The following ZNF212 variants were observed in gnomAD, a reference collection of about 807,000 sequenced individuals.
ZNF212 encodes the protein zinc finger protein 212, also known as Zinc finger protein C2H2-150.
In ZNF212, 32 loss-of-function variants were observed where a neutral mutation model predicts 47.3. The ratio of observed to expected loss-of-function variants is 0.68; its 90% CI spans 0.51 to 0.91. The LOEUF (loss-of-function observed/expected upper bound fraction) is 0.91. Ranked by LOEUF, ZNF212 falls within the 40% of genes least tolerant of loss-of-function variation. The pLI is 0.00. For synonymous variants in ZNF212, 242 were observed against 253.8 expected, an observed-to-expected ratio of 0.95 and a Z score of 0.44; for missense variants, 555 against 622.8, an observed-to-expected ratio of 0.89 and a Z score of 1.16.
chr7:149,239,957 C>T (rs1796563439), intron 1 of ZNF212, 155 bp downstream of exon 1: 1 of 853,740 alleles, frequency 1.2e-6, no homozygotes, highest in Non-Finnish European at 1.6e-6. Flanking sequence ...TTCGCGACCC[C>T]AGTGCTCTGC....
chr7:149,248,924 T>A (rs1796714674), intron 1 of ZNF212, among the ~76,000 whole-genome samples: 1 of 152,206 alleles, frequency 6.6e-6, no homozygotes, highest in Non-Finnish European at 1.5e-5. Flanking sequence ...CCATGTTCTC[T>A]GGACCACAAC....
At chr7:149,251,491 CTTT>C (rs71194634) in intron 3 of ZNF212, among the ~76,000 whole-genome samples, 65 of 77,430 alleles carry the variant, frequency 8.4e-4, no homozygotes, top group African/African-American at 3.1e-3. Context: ...CCTGTTTTAT[CTTT>C]TTTTTTTTTT....
Position 149,253,937 on chromosome 7 carries a change from G to T in ZNF212, c.1010G>T (p.Ser337Ile), listed in dbSNP as rs755950161. ...YKQQLATHLR[S>I]HSGWGSCTPE... ...CAGCAGCTGGCCACACATCTGCGCA[G>T]CCACTCTGGGTGGGGGTCTTGTACA... Residue 337 changes from serine (S) to isoleucine (I), a missense_variant, in exon 5 of 5, where the codon AGC (serine) becomes ATC (isoleucine). Physicochemically the swap from Ser to Ile is moderately radical, Grantham distance 142. Transcript: ENST00000335870. The T allele has an allele frequency of 5.6e-6, 9 of 1,613,986 alleles. No individual in the cohort carries two copies. The East Asian group carries it at 1.8e-4, about 32-fold the overall frequency.
In ZNF212 at chr7:149,239,689, G is replaced by GCGGCGGCGT; in HGVS notation, c.-89_-88insGGCGGCGTC. The GCGGCGGCGT allele has an allele frequency of 7.7e-7, 1 of 1,292,608 alleles. No individual in the cohort carries two copies. 80.1% of individuals were successfully genotyped at this position (1,292,608 alleles called of 1,614,324 possible). On this transcript the variant is annotated 5_prime_UTR_variant, in exon 1 of 5. Transcript: ENST00000335870. The stretch of plus-strand genomic sequence containing the variant: ...CATCAACACGGCGGCGGCGGCGGCG[G>GCGGCGGCGT]CTTCCAACAGGCTCTGGGGCGCCGA...
chr7:149,254,409 G>A lies in ZNF212; in HGVS notation c.1482G>A (p.Leu494=). The A allele has an allele frequency of 6.3e-7, 1 of 1,598,224 alleles. No individual in the cohort carries two copies. The highest frequency in any genetic ancestry group is 8.5e-7 in the Non-Finnish European group (1 of 1,177,820). ...LALEPGRPNG[L]L is the part of the protein sequence containing the mutation. ...TGGAGCCCGGAAGGCCCAATGGCCT[G>A]CTTTAAGGGTGCAGCCCCTCGCCCG... The change falls in exon 5 of 5, where the codon CTG becomes CTA. Residue 494 remains leucine (L), a synonymous_variant. Transcript: ENST00000335870. This position sits in a 1 kb window ranked among gnomAD's most constrained non-coding sequence, Gnocchi z 4.5.
Position 149,251,081 on chromosome 7 carries a change from T to G in ZNF212, c.541+274T>G, listed in dbSNP as rs547105184. ...TTTTTTTTTTTTTCCTGTGGTCACA[T>G]AGTCTGTTCTTGATAGTATTTTCTA... On this transcript the variant is annotated intron_variant, in intron 3 of 4. Transcript: ENST00000335870. 55 of 354,408 alleles carry G rather than the reference T, an allele frequency of 1.6e-4. No homozygotes were observed. In the South Asian group the frequency reaches 2.0e-3, roughly 13 times the overall value. The allele number at this position is 354,408 out of a possible 1,614,324, so 22.0% of individuals were successfully genotyped here. A position where few individuals can be genotyped will look rare whatever the true frequency, so the allele number is the denominator to read the frequency against.
rs928308604 is a variant in ZNF212 at position 149,246,915 on chromosome 7, T to G, written c.25-3244T>G. On this transcript the variant is annotated intron_variant, in intron 1 of 4. Coordinates refer to ENST00000335870, the MANE Select transcript of ZNF212 (RefSeq NM_012256.4). ...GCAACCTCCGCCTCTCAGGTTTAAG[T>G]GATTCTCCTGCCTCAGCCTCCCGAG... Among the ~76,000 whole-genome samples the G allele has an allele frequency of 4.0e-5, 6 of 149,044 alleles. No homozygotes were observed. In the Admixed American group the frequency reaches 4.1e-4, roughly 10 times the overall value.
rs1467915998 is a variant in ZNF212, at chr7:149,250,507, A to T, written c.373A>T (p.Ile125Phe). ...CCTGCTGCGCAACAGGAACTTCTGG[A>T]TCCTGCGGCTGCCCCCGGGCAGCAA... ...ENLLRNRNFW[I>F]LRLPPGSKGE... Residue 125 changes from isoleucine (I) to phenylalanine (F), a missense_variant, in exon 2 of 5, where the codon ATC (isoleucine) becomes TTC (phenylalanine). Transcript: ENST00000335870. 1.9e-6 allele frequency: 3 copies of T among 1,613,924 alleles called. No individual in the cohort carries two copies. Among genetic ancestry groups the T allele is most frequent in the Admixed American group, 3.3e-5 (2 of 60,020 alleles).
In ZNF212 at chr7:149,253,571, T is replaced by C. The variant is rs774442866; in HGVS notation, c.644T>C (p.Met215Thr). The C allele has an allele frequency of 3.1e-6, 5 of 1,600,992 alleles. No homozygotes were observed. Among genetic ancestry groups the C allele is most frequent in the South Asian group, 2.2e-5 (2 of 90,740 alleles). The change falls in exon 5 of 5, where the codon ATG (methionine) becomes ACG (threonine). Residue 215 changes from methionine (M) to threonine (T), a missense_variant. Physicochemically the swap from Met to Thr is moderately conservative, Grantham distance 81. Transcript: ENST00000335870. ...TTCCACTTTGCAGCAGGTGGGGTCATGATCAAACAGGAGCTACAGTATACA... is the reference window on the plus strand; with the variant it reads ...TTCCACTTTGCAGCAGGTGGGGTCACGATCAAACAGGAGCTACAGTATACA... ...PGGAHPAGGV[M>T]IKQELQYTQE...
Position 149,250,750 on chromosome 7 carries a change from C to A in ZNF212, c.484C>A (p.Gln162Lys). The A allele has an allele frequency of 6.2e-7, 1 of 1,614,186 alleles. No individual in the cohort carries two copies. Among genetic ancestry groups the A allele is most frequent in the Non-Finnish European group, 8.5e-7 (1 of 1,180,040 alleles). ...GGAATGGGAGAATCTGGAGGATTGG[C>A]AGAAGGAGCTCTACAGAAACGTGAT... ...EQEWENLEDW[Q>K]KELYRNVMES... Residue 162 changes from glutamine to lysine, a missense_variant, in exon 3 of 5, where the codon CAG (glutamine) becomes AAG (lysine). Coordinates refer to ENST00000335870, the MANE Select transcript of ZNF212 (RefSeq NM_012256.4).
chr7:149,251,772 G>A (rs1395784656), intron 3 of ZNF212, among the ~76,000 whole-genome samples: 1 of 151,916 alleles, frequency 6.6e-6, no homozygotes, highest in African/African-American at 2.4e-5. Context: ...TTACAGGCGT[G>A]AGCCTCCGCA....
chr7:149,240,793 A>G (rs1020105300), intron 1 of ZNF212, among the ~76,000 whole-genome samples: 28 of 152,244 alleles, frequency 1.8e-4, no homozygotes, highest in Admixed American at 1.2e-3. Context: ...ATGGAGGGCT[A>G]AGGAAATTCT....
Position 149,254,438 on chromosome 7 carries a change from G to T in ZNF212, c.*23G>T. On this transcript the variant is annotated 3_prime_UTR_variant, in exon 5 of 5. Coordinates refer to ENST00000335870, the MANE Select transcript of ZNF212 (RefSeq NM_012256.4). This position sits in a 1 kb window ranked among gnomAD's most constrained non-coding sequence, Gnocchi z 4.5. ...TAAGGGTGCAGCCCCTCGCCCGTCT[G>T]GGGGATGGAGGGGGGTGGCATTGGT... 6.4e-7 allele frequency: 1 copy of T among 1,557,580 alleles called. No individual in the cohort carries two copies. The highest frequency in any genetic ancestry group is 8.6e-7 in the Non-Finnish European group (1 of 1,160,656).
At chr7:149,242,987 T>A (rs1359379398) in intron 1 of ZNF212, among the ~76,000 whole-genome samples, 3 of 151,844 alleles carry the variant, frequency 2.0e-5, no homozygotes, top group South Asian at 2.1e-4. Context: ...ACAAAAAAGG[T>A]AAAAATAAAT....
At chr7:149,252,990 A>C (rs2129524405) in intron 4 of ZNF212, among the ~76,000 whole-genome samples, 195 bp downstream of exon 4, 1 of 152,150 alleles carries the variant, frequency 6.6e-6, no homozygotes, top group South Asian at 2.1e-4. Context: ...GGTCTTTAAG[A>C]CTAACGGCCA....
At chr7:149,245,062 C>G (rs1331316158) in intron 1 of ZNF212, among the ~76,000 whole-genome samples, 1 of 152,040 alleles carries the variant, frequency 6.6e-6, no homozygotes, top group African/African-American at 2.4e-5. Flanking sequence ...AATGGAGTCT[C>G]AAAAGGCTGG....
chr7:149,240,238 C>T (rs939922969), intron 1 of ZNF212, among the ~76,000 whole-genome samples: 7 of 152,218 alleles, frequency 4.6e-5, no homozygotes, highest in African/African-American at 1.4e-4. Context: ...GATGTGTTGT[C>T]GGTTTTTCCA....
intron 1 of ZNF212, among the ~76,000 whole-genome samples, chr7:149,240,387 C>CCA (rs1554473681): frequency 6.7e-6 from 1 of 149,768 alleles, no homozygotes; most frequent in Non-Finnish European, 1.5e-5. Flanking sequence ...CCTTCACCCC[C>CCA]CCCCCAACAC....
At chr7:149,240,354 T>C (rs1796569218) in intron 1 of ZNF212, among the ~76,000 whole-genome samples, 1 of 152,036 alleles carries the variant, frequency 6.6e-6, no homozygotes, top group Non-Finnish European at 1.5e-5. Flanking sequence ...TGCATTTTGT[T>C]TGTAGAGCTG....
Sources: gnomAD v4.1 joint callset for allele counts (sites outside exome capture counted in the v4.1 genomes callset) on GRCh38, gnomAD v4.1.1 for gene constraint, Gnocchi (gnomAD v3.1) non-coding constraint, MANE v1.5 for transcripts, NCBI Gene and HGNC (gene_info 2026-07-23, HGNC 2026-07-21) for gene names.